AMIGO2: variants seen among roughly 807,000 people sequenced by gnomAD.
The protein encoded by AMIGO2 is adhesion molecule with Ig like domain 2.
A neutral mutation model predicts 23.7 loss-of-function variants in AMIGO2; 15 were observed. The ratio of observed to expected loss-of-function variants is 0.63; its 90% CI spans 0.42 to 0.98. The LOEUF is 0.98. AMIGO2 is among the 50% of genes least tolerant of loss of function. The probability of loss-of-function intolerance (pLI) is 0.00; values close to 1 mark genes in which losing one functional copy is unlikely to be tolerated. For missense variants in AMIGO2, 561 were observed against 633.1 expected, an observed-to-expected ratio of 0.89 and a Z score of 1.22; for synonymous variants, 264 against 252.3, an observed-to-expected ratio of 1.05 and a Z score of -0.44.
Position 47,078,027 on chromosome 12 carries a change from G to A in AMIGO2, c.976C>T (p.Pro326Ser). ...TCCGGCTCTAGCAGTCTGTTATCTG[G>A]ACCCACCCAGATGAAATCCGTATTT... ...NANTDFIWVG[P>S]DNRLLEPDKE... Residue 326 changes from proline (P) to serine (S), a missense_variant, in exon 3 of 3, where the codon CCA becomes TCA. Pro to Ser is a moderately conservative substitution (Grantham distance 74). Coordinates refer to ENST00000550413, the MANE Select transcript of AMIGO2 (RefSeq NM_001370299.1). 1 of 1,613,922 alleles carries A rather than the reference G, an allele frequency of 6.2e-7. No individual in the cohort carries two copies. The highest frequency in any genetic ancestry group is 8.5e-7 in the Non-Finnish European group (1 of 1,180,026).
rs1195153378 is a variant in AMIGO2 at position 47,078,807 on chromosome 12, G to A, written c.196C>T (p.Leu66Phe). ...TCCAGTCTCTTAATCAGTCTGAAAA[G>A]GTTCCCAGGCACCTTGGACAGGTTT... ...NKNLSKVPGNLFRLIKRLDLS... is the reference protein window; with the variant it reads ...NKNLSKVPGNFFRLIKRLDLS... The change falls in exon 3 of 3, where the codon CTT becomes TTT. Residue 66 changes from leucine (L) to phenylalanine (F), a missense_variant. Leu to Phe is a conservative substitution (Grantham distance 22). Coordinates refer to ENST00000550413, the MANE Select transcript of AMIGO2 (RefSeq NM_001370299.1). 1 of 1,614,074 alleles carries A rather than the reference G, an allele frequency of 6.2e-7. No individual in the cohort carries two copies. The highest frequency in any genetic ancestry group is 2.2e-5 in the East Asian group (1 of 44,898).
chr12:47,078,231 A>G lies in AMIGO2; in HGVS notation c.772T>C (p.Tyr258His), dbSNP rs1290106617. ...GAGTCAGACCACAGGCGACAGGTGT[A>G]ATCGTTCTTAAAATCCATCACTGAG... ...FSSVMDFKND[Y>H]TCRLWSDSRH... The change falls in exon 3 of 3, where the codon TAC (tyrosine) becomes CAC (histidine). Residue 258 changes from tyrosine to histidine, a missense_variant. By Grantham distance (83) the Tyr-to-His change is moderately conservative. Coordinates refer to ENST00000550413, the MANE Select transcript of AMIGO2 (RefSeq NM_001370299.1). 2 of 1,614,192 alleles carry G rather than the reference A, an allele frequency of 1.2e-6. No homozygotes were observed. Among genetic ancestry groups the G allele is most frequent in the Non-Finnish European group, 1.7e-6 (2 of 1,180,024 alleles).
rs1941884674 is a variant in AMIGO2, at chr12:47,078,024, C to T, written c.979G>A (p.Asp327Asn). The change falls in exon 3 of 3, where the codon GAT becomes AAT. Residue 327 changes from aspartate (D) to asparagine (N), a missense_variant. Coordinates refer to ENST00000550413, the MANE Select transcript of AMIGO2 (RefSeq NM_001370299.1). ...TTATCCGGCTCTAGCAGTCTGTTAT[C>T]TGGACCCACCCAGATGAAATCCGTA... is the stretch of plus-strand genomic sequence containing the variant. The part of the protein sequence containing the change: ...ANTDFIWVGP[D>N]NRLLEPDKEM... The T allele has an allele frequency of 6.2e-7, 1 of 1,614,048 alleles. No homozygotes were observed.
In AMIGO2 at chr12:47,077,565, T is replaced by C; in HGVS notation, c.1438A>G (p.Asn480Asp). The C allele has an allele frequency of 6.2e-7, 1 of 1,614,248 alleles. No homozygotes were observed. The highest frequency in any genetic ancestry group is 8.5e-7 in the Non-Finnish European group (1 of 1,180,040). The change falls in exon 3 of 3, where the codon AAC becomes GAC. Residue 480 changes from asparagine to aspartate, a missense_variant. By Grantham distance (23) the Asn-to-Asp change is conservative. Transcript: ENST00000550413. ...EPLKDTAAGQ[N>D]GKVRLFPSEA... is the part of the protein sequence containing the mutation. The stretch of plus-strand genomic sequence containing the variant: ...CTGGGAAAGAGCCTGACTTTCCCGT[T>C]CTGCCCTGCTGCAGTATCCTTCAGG...
In AMIGO2 at chr12:47,078,654, G is replaced by C. The variant is rs1456762764; in HGVS notation, c.349C>G (p.Pro117Ala). The part of the protein sequence containing the change: ...SISTGSFSTT[P>A]NLKCLDLSSN... ...GATAAGTCAAGACACTTCAAATTTG[G>C]AGTTGTGGAAAAACTGCCCGTGGAA... is the stretch of plus-strand genomic sequence containing the variant. The change falls in exon 3 of 3, where the codon CCA (proline) becomes GCA (alanine). Residue 117 changes from proline to alanine, a missense_variant. Coordinates refer to ENST00000550413, the MANE Select transcript of AMIGO2 (RefSeq NM_001370299.1). 1.2e-6 allele frequency: 2 copies of C among 1,614,200 alleles called. No individual in the cohort carries two copies. Among genetic ancestry groups the C allele is most frequent in the Middle Eastern group, 1.6e-4 (1 of 6,062 alleles).
chr12:47,077,728 C>T lies in AMIGO2; in HGVS notation c.1275G>A (p.Lys425=), dbSNP rs147940653. The change falls in exon 3 of 3, where the codon AAG becomes AAA. Residue 425 remains lysine (K), a synonymous_variant. Coordinates refer to ENST00000550413, the MANE Select transcript of AMIGO2 (RefSeq NM_001370299.1). ...TATTTTTCTGTCTCTTGGTTTTACA[C>T]TTGCAGGGGCATGGAGTCAGATAGA... ...LYLYLTPCPC[K]CKTKRQKNML... 101 of 1,614,200 alleles carry T rather than the reference C, an allele frequency of 6.3e-5. No homozygotes were observed. The highest frequency in any genetic ancestry group is 8.2e-5 in the Non-Finnish European group (97 of 1,180,036).
In AMIGO2 at chr12:47,079,341, CGTT is replaced by C. The variant is rs140523365; in HGVS notation, c.-170-96_-170-94del. 482 of 202,218 alleles carry C rather than the reference CGTT, an allele frequency of 2.4e-3. 2 individuals are homozygous for C. Among genetic ancestry groups the C allele is most frequent in the African/African-American group, 7.6e-3 (328 of 43,164 alleles). 12.5% of individuals were successfully genotyped at this position (202,218 alleles called of 1,614,324 possible). A position where few individuals can be genotyped will look rare whatever the true frequency, so the allele number is the denominator to read the frequency against. On this transcript the variant is annotated intron_variant, in intron 1 of 2. Transcript: ENST00000550413. ...CAATTTTTTCCTAAGGTGCATCCTG[CGTT>C]GTTGTTGTTGTTGTTGTTGTTTTAA...
At position 47,078,875 on chromosome 12, in the gene AMIGO2, G is replaced by A; in HGVS notation, c.128C>T (p.Thr43Ile). ...GATGTCAGTGGCACAGATGCAAGCG[G>A]TGGGGCACACCCCAGAGGCACCAGG... is the stretch of plus-strand genomic sequence containing the variant. ...VGPGASGVCP[T>I]ACICATDIVS... The change falls in exon 3 of 3, where the codon ACC (threonine) becomes ATC (isoleucine). Residue 43 changes from threonine (T) to isoleucine (I), a missense_variant. By Grantham distance (89) the Thr-to-Ile change is moderately conservative. Transcript: ENST00000550413. 1 of 1,614,238 alleles carries A rather than the reference G, an allele frequency of 6.2e-7. No homozygotes were observed. Among genetic ancestry groups the A allele is most frequent in the Non-Finnish European group, 8.5e-7 (1 of 1,180,046 alleles).
At chr12:47,079,351 G>A (rs1003923611) in intron 1 of AMIGO2, 103 bp from the exon 2 acceptor site, 1 of 203,304 alleles carries the variant, frequency 4.9e-6, no homozygotes, top group African/African-American at 2.3e-5. Flanking sequence ...CGTTGTTGTT[G>A]TTGTTGTTGT....
At position 47,077,348 on chromosome 12, in the gene AMIGO2, T is replaced by C. The variant is rs1206298859; in HGVS notation, c.*86A>G. On this transcript the variant is annotated 3_prime_UTR_variant, in exon 3 of 3. Transcript: ENST00000550413. ...TTTCAAAGAACAAAACAACACAATT[T>C]CTGTCCTGCTGTTTATTTTGCAGAC... is the stretch of plus-strand genomic sequence containing the variant. The C allele has an allele frequency of 2.7e-6, 4 of 1,483,742 alleles. No homozygotes were observed. Among genetic ancestry groups the C allele is most frequent in the Non-Finnish European group, 3.6e-6 (4 of 1,109,242 alleles). The allele number at this position is 1,483,742 out of a possible 1,614,324, so 91.9% of individuals were successfully genotyped here.
rs1286370237 is a variant in AMIGO2, at chr12:47,076,752, T to A, written c.*682A>T. 6.6e-6 allele frequency: 1 copy of A among 152,278 alleles called. No individual in the cohort carries two copies. The highest frequency in any genetic ancestry group is 1.5e-5 in the Non-Finnish European group (1 of 68,030). The allele number at this position is 152,278 out of a possible 1,614,324, so 9.4% of individuals were successfully genotyped here. ...CTTACATATTTATGGCAACAAATTATGATGACTTTAAATTTTCAATGAGAT... is the reference window on the plus strand; with the variant it reads ...CTTACATATTTATGGCAACAAATTAAGATGACTTTAAATTTTCAATGAGAT... On this transcript the variant is annotated 3_prime_UTR_variant, in exon 3 of 3. Transcript: ENST00000550413.
Position 47,076,923 on chromosome 12 carries a change from T to C in AMIGO2, c.*511A>G, listed in dbSNP as rs983995863. 6.3e-6 allele frequency: 1 copy of C among 157,702 alleles called. No individual in the cohort carries two copies. Among genetic ancestry groups the C allele is most frequent in the Non-Finnish European group, 1.4e-5 (1 of 71,732 alleles). The allele number at this position is 157,702 out of a possible 1,614,324, so 9.8% of individuals were successfully genotyped here. On this transcript the variant is annotated 3_prime_UTR_variant, in exon 3 of 3. Transcript: ENST00000550413. Reference sequence around the variant, plus strand: ...TATCAGTGTAGTCTATTCATTCTGGTCTAAAACGGTAATTTTGGCTGAATA... The same window carrying C: ...TATCAGTGTAGTCTATTCATTCTGGCCTAAAACGGTAATTTTGGCTGAATA...
rs556654907 is a variant in AMIGO2 at position 47,076,886 on chromosome 12, T to C, written c.*548A>G. 7 of 152,890 alleles carry C rather than the reference T, an allele frequency of 4.6e-5. No individual in the cohort carries two copies. Among genetic ancestry groups the C allele is most frequent in the Non-Finnish European group, 7.3e-5 (5 of 68,438 alleles). The allele number at this position is 152,890 out of a possible 1,614,324, so 9.5% of individuals were successfully genotyped here. The stretch of plus-strand genomic sequence containing the variant: ...TAACACCATATAGGATGTGGCATTA[T>C]CCAGTACATTTTATCAGTGTAGTCT... On this transcript the variant is annotated 3_prime_UTR_variant, in exon 3 of 3. Transcript: ENST00000550413.
chr12:47,078,669 T>C lies in AMIGO2; in HGVS notation c.334A>G (p.Ser112Gly), dbSNP rs1357442715. 3 of 1,614,234 alleles carry C rather than the reference T, an allele frequency of 1.9e-6. No individual in the cohort carries two copies. The highest frequency in any genetic ancestry group is 1.7e-5 in the Admixed American group (1 of 60,028). Residue 112 changes from serine to glycine, a missense_variant, in exon 3 of 3, where the codon AGT becomes GGT. Ser to Gly is a moderately conservative substitution (Grantham distance 56). Transcript: ENST00000550413. The part of the protein sequence containing the change: ...HNNITSISTG[S>G]FSTTPNLKCL... ...TTCAAATTTGGAGTTGTGGAAAAAC[T>C]GCCCGTGGAAATGCTGGTGATGTTG...
At position 47,079,036 on chromosome 12, in the gene AMIGO2, T is replaced by C; in HGVS notation, c.-34A>G. On this transcript the variant is annotated 5_prime_UTR_variant, in exon 3 of 3. Transcript: ENST00000550413. ...CCTCTGAGTCTCTTCCCGGTGTCTT[T>C]TCCACCGGCTCAGCCTCCCACCAGT... The C allele has an allele frequency of 6.5e-7, 1 of 1,531,240 alleles. No homozygotes were observed. Among genetic ancestry groups the C allele is most frequent in the Non-Finnish European group, 8.8e-7 (1 of 1,140,362 alleles). The allele number at this position is 1,531,240 out of a possible 1,614,324, so 94.9% of individuals were successfully genotyped here.
rs1167364607 is a variant in AMIGO2, at chr12:47,076,554, T to C, written c.*880A>G. On this transcript the variant is annotated 3_prime_UTR_variant, in exon 3 of 3. Coordinates refer to ENST00000550413, the MANE Select transcript of AMIGO2 (RefSeq NM_001370299.1). ...TTAAATAGCCAAATAAAACAAAATA[T>C]CAAGTCACAGATTACATATATTTAC... The C allele has an allele frequency of 2.0e-5, 3 of 152,616 alleles. No individual in the cohort carries two copies. The highest frequency in any genetic ancestry group is 4.1e-4 in the South Asian group (2 of 4,834). 9.5% of individuals were successfully genotyped at this position (152,616 alleles called of 1,614,324 possible).
Position 47,077,592 on chromosome 12 carries a change from G to A in AMIGO2, c.1411C>T (p.Pro471Ser), listed in dbSNP as rs979693453. 6.2e-7 allele frequency: 1 copy of A among 1,614,172 alleles called. No homozygotes were observed. The highest frequency in any genetic ancestry group is 1.1e-5 in the South Asian group (1 of 91,084). Residue 471 changes from proline (P) to serine (S), a missense_variant, in exon 3 of 3, where the codon CCC becomes TCC. By Grantham distance (74) the Pro-to-Ser change is moderately conservative. Coordinates refer to ENST00000550413, the MANE Select transcript of AMIGO2 (RefSeq NM_001370299.1). ...TGCCCTGCTGCAGTATCCTTCAGGGGTTCCAAAAACACCACTCTTTTACCT... is the reference window on the plus strand; with the variant it reads ...TGCCCTGCTGCAGTATCCTTCAGGGATTCCAAAAACACCACTCTTTTACCT... ...GAGKRVVFLE[P>S]LKDTAAGQNG...
At position 47,078,194 on chromosome 12, in the gene AMIGO2, C is replaced by G. The variant is rs768600639; in HGVS notation, c.809G>C (p.Arg270Pro). The change falls in exon 3 of 3, where the codon CGT becomes CCT. Residue 270 changes from arginine to proline, a missense_variant. Physicochemically the swap from Arg to Pro is moderately radical, Grantham distance 103. Coordinates refer to ENST00000550413, the MANE Select transcript of AMIGO2 (RefSeq NM_001370299.1). ...GCTATCCTGGAGCAGAAGTACCTGA[C>G]GCGAGTGCCTGGAGTCAGACCACAG... ...CRLWSDSRHSRQVLLLQDSFM... is the reference protein window; with the variant it reads ...CRLWSDSRHSPQVLLLQDSFM... 6.2e-7 allele frequency: 1 copy of G among 1,614,134 alleles called. No individual in the cohort carries two copies. Among genetic ancestry groups the G allele is most frequent in the Non-Finnish European group, 8.5e-7 (1 of 1,180,026 alleles).
In AMIGO2 at chr12:47,077,871, C is replaced by G. The variant is rs768911882; in HGVS notation, c.1132G>C (p.Val378Leu). 14 of 1,614,144 alleles carry G rather than the reference C, an allele frequency of 8.7e-6. No homozygotes were observed. The highest frequency in any genetic ancestry group is 1.1e-5 in the Non-Finnish European group (13 of 1,180,038). ...GTGAAATTGCTCACATTTATTGTGA[C>G]GTCCACAGTTTCATTTAACAGGCGT... ...KQRLLNETVD[V>L]TINVSNFTVS... Residue 378 changes from valine to leucine, a missense_variant, in exon 3 of 3, where the codon GTC becomes CTC. Val to Leu is a conservative substitution (Grantham distance 32). Transcript: ENST00000550413.
Sources: allele counts gnomAD v4.1 joint callset, GRCh38; gene constraint gnomAD v4.1.1; transcripts MANE v1.5; gene names NCBI Gene and HGNC (gene_info 2026-07-23, HGNC 2026-07-21).